The following GRIN2D variants were observed in gnomAD, a reference collection of about 807,000 sequenced individuals.
The protein encoded by GRIN2D is glutamate receptor ionotropic, NMDA 2D.
Under a neutral mutation model 103.2 loss-of-function variants are expected in GRIN2D, and 37 were observed. The observed-to-expected ratio is 0.36, with a 90% CI of 0.28 to 0.47. The LOEUF (loss-of-function observed/expected upper bound fraction) is 0.47, where lower values mean the gene tolerates loss of function less well. GRIN2D is among the 20% of genes least tolerant of loss of function. The pLI is 1.00. For synonymous variants in GRIN2D, 845 were observed against 885.6 expected, an observed-to-expected ratio of 0.95 and a Z score of 0.81; for missense variants, 1,557 against 1,910.6, an observed-to-expected ratio of 0.81 and a Z score of 3.45.
rs560772786 is a variant in GRIN2D at position 48,414,168 on chromosome 19, G to T, written c.1200+63G>T. The T allele has an allele frequency of 5.1e-5, 56 of 1,087,670 alleles. No homozygotes were observed. The South Asian group carries it at 6.4e-4, about 12-fold the overall frequency. 67.4% of individuals were successfully genotyped at this position (1,087,670 alleles called of 1,614,324 possible). On this transcript the variant is annotated intron_variant, in intron 5 of 13. Coordinates refer to ENST00000263269, the MANE Select transcript of GRIN2D (RefSeq NM_000836.4). The surrounding 1 kb of genome is among the most constrained non-coding windows in gnomAD (Gnocchi z 4.6). The stretch of plus-strand genomic sequence containing the variant: ...TGTGGACTCCTGCATCCTGGCAGAG[G>T]GGGGGCTTGAGGTCGTGGACTAAGA...
chr19:48,436,760 T>A (rs1483320318), intron 11 of GRIN2D, among the ~76,000 whole-genome samples: 1 of 152,152 alleles, frequency 6.6e-6, no homozygotes, highest in Non-Finnish European at 1.5e-5. Flanking sequence ...AGAAGAATGT[T>A]CCAGCAGGCA....
chr19:48,425,272 C>T (rs1034012429), intron 11 of GRIN2D, among the ~76,000 whole-genome samples: 3 of 152,128 alleles, frequency 2.0e-5, no homozygotes, highest in East Asian at 1.9e-4. Context: ...GATGGAGTCT[C>T]GCTCTGTTGC....
chr19:48,396,694 C>G (rs983296639), intron 2 of GRIN2D, among the ~76,000 whole-genome samples: 3 of 151,862 alleles, frequency 2.0e-5, no homozygotes, highest in Non-Finnish European at 4.4e-5. Context: ...GACAGGGGCC[C>G]GAGATCTCTG....
At chr19:48,396,751 A>G (rs1970648041) in intron 2 of GRIN2D, among the ~76,000 whole-genome samples, 1 of 151,876 alleles carries the variant, frequency 6.6e-6, no homozygotes, top group Admixed American at 6.5e-5. Context: ...GCCTCGAGGC[A>G]GGGGAGGGGT....
intron 11 of GRIN2D, among the ~76,000 whole-genome samples, chr19:48,430,821 C>CTTTTTT (rs557084994): frequency 3.1e-5 from 4 of 128,920 alleles, no homozygotes; most frequent in Non-Finnish European, 6.5e-5. Flanking sequence ...TTTCTTTTTT[C>CTTTTTT]TTTTTTTTTT....
chr19:48,412,682 G>A (rs11083934), intron 4 of GRIN2D, among the ~76,000 whole-genome samples: 3 of 151,238 alleles, frequency 2.0e-5, no homozygotes, highest in African/African-American at 7.3e-5. Context: ...CCAGCTACTC[G>A]GGAGGCTGAG....
chr19:48,433,705 C>A (rs2147468079), intron 11 of GRIN2D, among the ~76,000 whole-genome samples: 1 of 152,314 alleles, frequency 6.6e-6, no homozygotes, highest in South Asian at 2.1e-4. Context: ...AAGGAAATAT[C>A]AAGGCCCCTT....
chr19:48,419,944 G>A, intron 10 of GRIN2D, 130 bp downstream of exon 10: 7 of 550,446 alleles, frequency 1.3e-5, no homozygotes, highest in South Asian at 4.3e-5. Flanking sequence ...GGCGGGAAGG[G>A]GTCTCTTCCC....
Position 48,405,376 on chromosome 19 carries a change from G to A in GRIN2D, c.1085+23G>A. On this transcript the variant is annotated intron_variant, in intron 4 of 13. Coordinates refer to ENST00000263269, the MANE Select transcript of GRIN2D (RefSeq NM_000836.4). The surrounding 1 kb of genome is among the most constrained non-coding windows in gnomAD (Gnocchi z 5.1). ...TAGGTGAGTGGGGCTGGAATGGGAG[G>A]GGTGTGGGAGGGCTCCCAGAGCCTA... The A allele has an allele frequency of 6.8e-7, 1 of 1,461,388 alleles. No individual in the cohort carries two copies. The highest frequency in any genetic ancestry group is 9.0e-7 in the Non-Finnish European group (1 of 1,116,790). 90.5% of individuals were successfully genotyped at this position (1,461,388 alleles called of 1,614,324 possible).
intron 3 of GRIN2D, among the ~76,000 whole-genome samples, chr19:48,402,091 C>T (rs1008845073): frequency 3.7e-5 from 5 of 134,220 alleles, no homozygotes; most frequent in African/African-American, 1.5e-4. Flanking sequence ...CAGAGCGAAA[C>T]TTGAAAGAAA....
In GRIN2D at chr19:48,422,076, G is replaced by A. The variant is rs963763447; in HGVS notation, c.2252+131G>A. ...CCCTGGGTGGGTCAGCTTGGAGGGC[G>A]GAGGTCACTGAGGGTGGAAGTGGAC... On this transcript the variant is annotated intron_variant, in intron 11 of 13. Coordinates refer to ENST00000263269, the MANE Select transcript of GRIN2D (RefSeq NM_000836.4). 56 of 803,940 alleles carry A rather than the reference G, an allele frequency of 7.0e-5. No individual in the cohort carries two copies. In the African/African-American group the frequency reaches 8.2e-4, roughly 12 times the overall value. The allele number at this position is 803,940 out of a possible 1,614,324, so 49.8% of individuals were successfully genotyped here. A position where few individuals can be genotyped will look rare whatever the true frequency, so the allele number is the denominator to read the frequency against.
intron 7 of GRIN2D, 60 bp from the exon 8 acceptor site, chr19:48,415,942 G>A (rs955083742): frequency 5.0e-5 from 74 of 1,494,274 alleles, no homozygotes; most frequent in Admixed American, 6.7e-5. Flanking sequence ...CTCGCCGTCC[G>A]TGTCAGTCTG....
chr19:48,409,734 G>A (rs1326369989), intron 4 of GRIN2D, among the ~76,000 whole-genome samples: 2 of 152,144 alleles, frequency 1.3e-5, no homozygotes, highest in Non-Finnish European at 2.9e-5. Flanking sequence ...GCAGGGCCCA[G>A]CTTGTGAAGG....
chr19:48,404,804 T>C lies in GRIN2D; in HGVS notation c.536T>C (p.Leu179Pro). Residue 179 changes from leucine (L) to proline (P), a missense_variant, in exon 4 of 14, where the codon CTG becomes CCG. Coordinates refer to ENST00000263269, the MANE Select transcript of GRIN2D (RefSeq NM_000836.4). ...EQQLQVIFEV[L>P]EEYDWTSFVA... ...CAGCTTCAGGTCATCTTTGAGGTGC[T>C]GGAGGAGTATGACTGGACGTCCTTT... 1 of 1,614,134 alleles carries C rather than the reference T, an allele frequency of 6.2e-7. No individual in the cohort carries two copies. The highest frequency in any genetic ancestry group is 8.5e-7 in the Non-Finnish European group (1 of 1,180,004).
chr19:48,413,175 T>TAAAA (rs34356915), intron 4 of GRIN2D, among the ~76,000 whole-genome samples: 1 of 97,686 alleles, frequency 1.0e-5, no homozygotes, highest in Non-Finnish European at 2.1e-5. Flanking sequence ...AACCACACAT[T>TAAAA]AAAAAAAAAA....
chr19:48,417,483 T>A (rs1389116193), intron 8 of GRIN2D, among the ~76,000 whole-genome samples: 9 of 152,176 alleles, frequency 5.9e-5, no homozygotes, highest in Non-Finnish European at 1.2e-4. Flanking sequence ...GCTTGTCAGT[T>A]CCCACTTGCT....
At chr19:48,410,860 CGGGA>C (rs924201870) in intron 4 of GRIN2D, among the ~76,000 whole-genome samples, 2 of 151,876 alleles carry the variant, frequency 1.3e-5, no homozygotes, top group African/African-American at 4.8e-5. Flanking sequence ...GGCTGGGTAG[CGGGA>C]GGGAGGAAGG....
chr19:48,401,429 C>A (rs1970709802), intron 3 of GRIN2D, among the ~76,000 whole-genome samples: 1 of 152,142 alleles, frequency 6.6e-6, no homozygotes, highest in Non-Finnish European at 1.5e-5. Flanking sequence ...CAGGGGAGGC[C>A]TCCCTGAGGC....
intron 11 of GRIN2D, among the ~76,000 whole-genome samples, chr19:48,434,833 A>G (rs1417665525): frequency 1.3e-5 from 2 of 151,962 alleles, no homozygotes; most frequent in East Asian, 1.9e-4. Flanking sequence ...TGCTGGCCTC[A>G]GCCTCCCAAA....
Sources: allele counts gnomAD v4.1 joint callset (sites outside exome capture counted in the v4.1 genomes callset), GRCh38; gene constraint gnomAD v4.1.1; non-coding constraint Gnocchi (gnomAD v3.1); transcripts MANE v1.5; gene names NCBI Gene and HGNC (gene_info 2026-07-23, HGNC 2026-07-21).